The following ARHGEF3 variants were observed in gnomAD, a reference collection of about 807,000 sequenced individuals.
ARHGEF3 encodes 59.8 kDA protein.
In ARHGEF3, 28 loss-of-function variants were observed where a neutral mutation model predicts 63.2. The ratio of observed to expected loss-of-function variants is 0.44; its 90% CI spans 0.33 to 0.61. The LOEUF is 0.61. ARHGEF3 is among the 20% of genes least tolerant of loss of function. ARHGEF3 has a pLI of 0.03. For synonymous variants in ARHGEF3, 266 were observed against 254.2 expected, an observed-to-expected ratio of 1.05 and a Z score of -0.44; for missense variants, 533 against 659.3, an observed-to-expected ratio of 0.81 and a Z score of 2.10.
chr3:57,018,231 A>G (rs542551212), intron 2 of ARHGEF3, among the ~76,000 whole-genome samples: 1 of 145,748 alleles, frequency 6.9e-6, no homozygotes, highest in African/African-American at 2.5e-5. Context: ...GTGAGCTGAG[A>G]TGGCACCCCT....
At chr3:56,834,845 G>C (rs1290113593) in intron 4 of ARHGEF3, among the ~76,000 whole-genome samples, 1 of 151,948 alleles carries the variant, frequency 6.6e-6, no homozygotes, top group Non-Finnish European at 1.5e-5. Flanking sequence ...ACACAAAGCA[G>C]TATCTGTGCA....
chr3:57,009,694 G>A (rs956814566), intron 2 of ARHGEF3, among the ~76,000 whole-genome samples: 1 of 152,162 alleles, frequency 6.6e-6, no homozygotes, highest in Admixed American at 6.5e-5. Flanking sequence ...TCTGTGTGAT[G>A]GAATGCCAGG....
At chr3:56,815,741 G>T (rs2038245870) in intron 4 of ARHGEF3, among the ~76,000 whole-genome samples, 1 of 152,154 alleles carries the variant, frequency 6.6e-6, no homozygotes, top group Admixed American at 6.5e-5. Context: ...ACAGCATTTG[G>T]TTCCTACACT....
At chr3:56,872,877 C>T (rs1362245697) in intron 4 of ARHGEF3, among the ~76,000 whole-genome samples, 1 of 152,148 alleles carries the variant, frequency 6.6e-6, no homozygotes, top group African/African-American at 2.4e-5. Flanking sequence ...AACAAAGACC[C>T]TTGAACTTAA....
At chr3:56,916,069 C>G (rs896593821) in intron 3 of ARHGEF3, among the ~76,000 whole-genome samples, 1 of 152,208 alleles carries the variant, frequency 6.6e-6, no homozygotes, top group Non-Finnish European at 1.5e-5. Flanking sequence ...CCCTCGCAAC[C>G]AAGCAAAGCC....
chr3:56,980,136 A>G (rs1032495854), intron 2 of ARHGEF3, among the ~76,000 whole-genome samples: 5 of 152,250 alleles, frequency 3.3e-5, no homozygotes, highest in Non-Finnish European at 1.5e-5. Flanking sequence ...CCTACCAAAC[A>G]TCACAGCTCA....
chr3:56,916,309 C>G, intron 3 of ARHGEF3: 3 of 1,535,438 alleles, frequency 2.0e-6, no homozygotes, highest in Non-Finnish European at 2.6e-6. Flanking sequence ...GGGGGCTTAC[C>G]TGCGAACGGA....
intron 2 of ARHGEF3, among the ~76,000 whole-genome samples, chr3:56,963,060 T>C (rs1421346621): frequency 2.0e-5 from 3 of 151,972 alleles, no homozygotes; most frequent in East Asian, 3.9e-4. Context: ...AAGAGCCAGC[T>C]TGGGGTTCTA....
intron 2 of ARHGEF3, among the ~76,000 whole-genome samples, chr3:57,008,104 C>T (rs1702537117): frequency 6.6e-6 from 1 of 152,148 alleles, no homozygotes; most frequent in Non-Finnish European, 1.5e-5. Context: ...AATATATTAA[C>T]CGTGTAGATC....
intron 2 of ARHGEF3, among the ~76,000 whole-genome samples, chr3:56,758,459 G>A (rs1159846001): frequency 6.6e-6 from 1 of 151,928 alleles, no homozygotes; most frequent in African/African-American, 2.4e-5. Flanking sequence ...AGATATATAT[G>A]TAAGAATAAA....
intron 3 of ARHGEF3, among the ~76,000 whole-genome samples, chr3:56,895,177 G>A (rs1275450915): frequency 1.3e-5 from 2 of 151,556 alleles, no homozygotes; most frequent in Non-Finnish European, 2.9e-5. Context: ...TCTAATCGCA[G>A]CTGACTTCTT....
chr3:57,000,138 T>C (rs1259586755), intron 2 of ARHGEF3, among the ~76,000 whole-genome samples: 2 of 152,154 alleles, frequency 1.3e-5, no homozygotes, highest in Non-Finnish European at 1.5e-5. Context: ...GCCTGGCATA[T>C]GGTAAGGGCT....
At chr3:56,806,984 A>G (rs978094245) in intron 4 of ARHGEF3, among the ~76,000 whole-genome samples, 27 of 152,186 alleles carry the variant, frequency 1.8e-4, no homozygotes, top group South Asian at 1.2e-3. Context: ...CCCGGCCTCA[A>G]GCAATTTTCC....
chr3:56,968,527 C>T (rs1318877360), intron 2 of ARHGEF3, among the ~76,000 whole-genome samples: 2 of 146,310 alleles, frequency 1.4e-5, no homozygotes, highest in African/African-American at 5.1e-5. Flanking sequence ...CGGGGTCTCC[C>T]TATGTTGCCC....
At chr3:56,852,002 G>A (rs2039691614) in intron 4 of ARHGEF3, among the ~76,000 whole-genome samples, 1 of 152,208 alleles carries the variant, frequency 6.6e-6, no homozygotes, top group Non-Finnish European at 1.5e-5. Context: ...GTTACAGGTG[G>A]CATCCAGCCT....
At chr3:56,978,122 T>C (rs1315232760) in intron 2 of ARHGEF3, among the ~76,000 whole-genome samples, 1 of 152,152 alleles carries the variant, frequency 6.6e-6, no homozygotes, top group African/African-American at 2.4e-5. Flanking sequence ...CTAGGCTACA[T>C]GGCTTCTCTG....
Position 56,865,393 on chromosome 3 carries a change from CG to C in ARHGEF3, c.192+16898del, listed in dbSNP as rs2040210811. On this transcript the variant is annotated intron_variant, in intron 4 of 12. Coordinates refer to the ARHGEF3 transcript ENST00000338458. ...AGCTATGAGAAATGCACATCAGAAA[CG>C]TGCTTATGATGAAACCTTCTTTTCT... Among the ~76,000 whole-genome samples, 3 of 152,160 alleles carry C rather than the reference CG, an allele frequency of 2.0e-5. No homozygotes were observed. In the South Asian group the frequency reaches 6.2e-4, roughly 31 times the overall value.
intron 8 of ARHGEF3, among the ~76,000 whole-genome samples, chr3:56,736,054 A>T (rs1335268093): frequency 3.4e-5 from 1 of 29,522 alleles, no homozygotes; most frequent in Non-Finnish European, 5.1e-5. Context: ...ATTTAAACAC[A>T]CACACACACA....
chr3:56,948,693 C>G (rs1699645716), intron 3 of ARHGEF3, among the ~76,000 whole-genome samples: 1 of 152,168 alleles, frequency 6.6e-6, no homozygotes, highest in African/African-American at 2.4e-5. Flanking sequence ...CGAATTCTAC[C>G]AGAGGTACAA....
Sources: gnomAD v4.1 joint callset for allele counts (sites outside exome capture counted in the v4.1 genomes callset) on GRCh38, gnomAD v4.1.1 for gene constraint, MANE v1.5 for transcripts, NCBI Gene and HGNC (gene_info 2026-07-23, HGNC 2026-07-21) for gene names.